Variants in CLIC5 observed in about 807,000 individuals in gnomAD.
The protein encoded by CLIC5 is chloride intracellular channel protein 5.
A neutral mutation model predicts 24.7 loss-of-function variants in CLIC5; 20 were observed. The observed-to-expected ratio is 0.81, with a 90% CI of 0.57 to 1.18. The LOEUF is 1.18. Among genes scored for constraint, CLIC5 ranks in the 50% most tolerant of loss-of-function variants. The pLI is 0.00. For missense variants in CLIC5, 341 were observed against 326.1 expected, an observed-to-expected ratio of 1.05 and a Z score of -0.35; for synonymous variants, 159 against 135.6, an observed-to-expected ratio of 1.17 and a Z score of -1.20.
chr6:45,951,226 A>C (rs960519224), intron 2 of CLIC5, among the ~76,000 whole-genome samples: 1 of 152,210 alleles, frequency 6.6e-6, no homozygotes, highest in Non-Finnish European at 1.5e-5. Flanking sequence ...AACCAAAGCA[A>C]CAGTGCATTT....
intron 5 of CLIC5, among the ~76,000 whole-genome samples, chr6:45,911,061 G>A (rs1253854105): frequency 6.6e-6 from 1 of 152,190 alleles, no homozygotes. Flanking sequence ...CACCAGCTGA[G>A]CATCACTTTC....
intron 1 of CLIC5, among the ~76,000 whole-genome samples, chr6:46,058,487 C>A (rs1466319895): frequency 6.6e-6 from 1 of 152,236 alleles, no homozygotes; most frequent in Non-Finnish European, 1.5e-5. Flanking sequence ...AAAGCTTGTG[C>A]CTTTCCTACT....
At chr6:46,035,694 A>T (rs958163083) in intron 1 of CLIC5, among the ~76,000 whole-genome samples, 2 of 152,008 alleles carry the variant, frequency 1.3e-5, no homozygotes, top group Non-Finnish European at 2.9e-5. Context: ...TGGGACACTG[A>T]GCAGACCCAG....
At chr6:46,000,666 G>T (rs1766321074) in intron 1 of CLIC5, among the ~76,000 whole-genome samples, 1 of 152,126 alleles carries the variant, frequency 6.6e-6, no homozygotes, top group South Asian at 2.1e-4. Context: ...CTCTTCACAG[G>T]GCAGCAGGAG....
chr6:45,917,594 G>A (rs760582598), intron 4 of CLIC5, among the ~76,000 whole-genome samples: 17 of 152,160 alleles, frequency 1.1e-4, no homozygotes, highest in Middle Eastern at 3.2e-3. Flanking sequence ...GATAAGCTGT[G>A]TTGAAAGGCA....
Position 46,010,333 on chromosome 6 carries a change from C to A in CLIC5, c.63+5147G>T, listed in dbSNP as rs145485045. 3.3e-3 allele frequency among the ~76,000 whole-genome samples: 509 copies of A among 152,198 alleles called. 2 individuals are homozygous for A. The highest frequency in any genetic ancestry group is 0.012 in the African/African-American group (488 of 41,510). On this transcript the variant is annotated intron_variant, in intron 1 of 5. Coordinates refer to ENST00000339561, the MANE Select transcript of CLIC5 (RefSeq NM_016929.5). ...TCAGCTTGAAATGCTGACACCAACT[C>A]CATGAAAGATGTGCTGCTGCTATTA...
chr6:46,031,556 A>T (rs897963814), intron 1 of CLIC5, among the ~76,000 whole-genome samples: 1 of 152,178 alleles, frequency 6.6e-6, no homozygotes, highest in Non-Finnish European at 1.5e-5. Context: ...TAGGAAGTGT[A>T]TATTGGTACA....
intron 1 of CLIC5, among the ~76,000 whole-genome samples, chr6:46,067,702 G>A (rs1030338027): frequency 4.6e-5 from 7 of 152,132 alleles, no homozygotes; most frequent in African/African-American, 1.7e-4. Context: ...TCCAACTTCA[G>A]GATGATGCTA....
At chr6:45,903,323 G>A (rs981972348) in intron 5 of CLIC5, 68 bp from the exon 6 acceptor site, 3 of 1,451,786 alleles carry the variant, frequency 2.1e-6, no homozygotes, top group Admixed American at 2.2e-5. Flanking sequence ...AGTGTTAGTG[G>A]CCGTCCCAGT....
chr6:46,005,047 C>A (rs1203653316), intron 1 of CLIC5, among the ~76,000 whole-genome samples: 1 of 152,216 alleles, frequency 6.6e-6, no homozygotes, highest in Non-Finnish European at 1.5e-5. Context: ...ACACTGGCAG[C>A]ATTAGGAAGC....
intron 3 of CLIC5, among the ~76,000 whole-genome samples, chr6:45,942,978 C>G (rs1451039467): frequency 6.6e-6 from 1 of 152,252 alleles, no homozygotes; most frequent in East Asian, 1.9e-4. Context: ...TGTCCTTCCC[C>G]CTCCACTGCT....
intron 1 of CLIC5, among the ~76,000 whole-genome samples, chr6:45,997,795 G>GCA (rs199859094): frequency 2.6e-5 from 4 of 152,100 alleles, no homozygotes; most frequent in South Asian, 2.1e-4. Flanking sequence ...AATTAGGCAT[G>GCA]CACACACACA....
intron 1 of CLIC5, among the ~76,000 whole-genome samples, chr6:46,064,771 C>A (rs1762396194): frequency 6.6e-6 from 1 of 151,984 alleles, no homozygotes; most frequent in Admixed American, 6.6e-5. Context: ...GAAAATAAAT[C>A]CATATGTTGT....
chr6:45,943,776 C>A (rs143075250), intron 3 of CLIC5, among the ~76,000 whole-genome samples: 1 of 152,070 alleles, frequency 6.6e-6, no homozygotes, highest in Non-Finnish European at 1.5e-5. Flanking sequence ...GACAGAGGAT[C>A]GTGTATTCAG....
intron 4 of CLIC5, among the ~76,000 whole-genome samples, chr6:45,924,588 G>T (rs778900101): frequency 1.3e-5 from 2 of 152,122 alleles, no homozygotes; most frequent in African/African-American, 2.4e-5. Context: ...AAATGACTCA[G>T]ATTTTTCCAG....
At chr6:46,067,442 C>T (rs1415983577) in intron 1 of CLIC5, among the ~76,000 whole-genome samples, 1 of 152,158 alleles carries the variant, frequency 6.6e-6, no homozygotes, top group East Asian at 1.9e-4. Context: ...ACCTTTTCTC[C>T]TGATCACCAC....
chr6:45,908,070 T>C (rs928092626), intron 5 of CLIC5, among the ~76,000 whole-genome samples: 1 of 152,232 alleles, frequency 6.6e-6, no homozygotes, highest in Non-Finnish European at 1.5e-5. Context: ...ATGTTCATAA[T>C]AGTCTTTAAG....
chr6:46,016,585 C>T (rs1767017912), upstream of CLIC5, among the ~76,000 whole-genome samples: 1 of 152,162 alleles, frequency 6.6e-6, no homozygotes, highest in African/African-American at 2.4e-5. Flanking sequence ...TTCCCGTTCT[C>T]TTCTGGTTGT....
chr6:46,001,718 AG>A (rs1415398978), intron 1 of CLIC5, among the ~76,000 whole-genome samples: 2 of 152,352 alleles, frequency 1.3e-5, no homozygotes, highest in Non-Finnish European at 2.9e-5. Flanking sequence ...CACACATTAA[AG>A]GGTTTTGGAG....
Sources: allele counts gnomAD v4.1 joint callset (sites outside exome capture counted in the v4.1 genomes callset), GRCh38; gene constraint gnomAD v4.1.1; transcripts MANE v1.5; gene names NCBI Gene and HGNC (gene_info 2026-07-23, HGNC 2026-07-21).